PLEKHG1: variants seen among roughly 807,000 people sequenced by gnomAD.
The protein encoded by PLEKHG1 is pleckstrin homology domain-containing family G member 1.
A neutral mutation model predicts 100.8 loss-of-function variants in PLEKHG1; 44 were observed. That is an observed-to-expected ratio of 0.44 (90% CI 0.34 to 0.56). The LOEUF (loss-of-function observed/expected upper bound fraction) is 0.56. Ranked by LOEUF, PLEKHG1 falls within the 20% of genes least tolerant of loss-of-function variation. PLEKHG1 has a pLI of 0.01. For synonymous variants in PLEKHG1, 640 were observed against 662.5 expected (o/e 0.97, Z 0.52); for missense variants, 1,545 against 1,720.9 (o/e 0.90, Z 1.81).
chr6:150,701,420 TATATATATATA>T (rs1562446403), intron 3 of PLEKHG1, among the ~76,000 whole-genome samples: 15 of 16,692 alleles, frequency 9.0e-4, no homozygotes, highest in Non-Finnish European at 1.6e-3. Flanking sequence ...TAATTCTTTA[TATATATATATA>T]TATATATATA....
chr6:150,644,332 G>GGGTTTTTTTTTTTTTTTTTTTTTT (rs1562404967), intron 2 of PLEKHG1, among the ~76,000 whole-genome samples: 9 of 96,558 alleles, frequency 9.3e-5, no homozygotes, highest in South Asian at 3.4e-4. Context: ...TTTTCTTTTC[G>GGGTTTTTTTTTTTTTTTTTTTTTT]TGTTTTTTTT....
intron 3 of PLEKHG1, among the ~76,000 whole-genome samples, chr6:150,771,824 T>C (rs976664055): frequency 7.2e-5 from 11 of 152,274 alleles, no homozygotes; most frequent in Middle Eastern, 3.4e-3. Context: ...GAAATGGTAT[T>C]ATGCTGGCCT....
chr6:150,674,628 C>CTCTCTCTCTCT lies in PLEKHG1; in HGVS notation c.-99+23842_-99+23843insTCTCTCTCTCT, dbSNP rs1554258825. On this transcript the variant is annotated intron_variant, in intron 3 of 3. Coordinates refer to the PLEKHG1 transcript ENST00000367326. The stretch of plus-strand genomic sequence containing the variant: ...ATTACACCTGTAACTTTCTCTCTCT[C>CTCTCTCTCTCT]CTCCCTCTCTCTCTCTCTCTCTCTC... 6.4e-4 allele frequency among the ~76,000 whole-genome samples: 33 copies of CTCTCTCTCTCT among 51,872 alleles called. 1 individual carries two copies. The highest frequency in any genetic ancestry group is 1.3e-3 in the Admixed American group (6 of 4,718). The allele number at this position is 51,872 out of a possible 152,430, so 34.0% of individuals were successfully genotyped here.
At chr6:150,605,085 C>T (rs992856372) in intron 1 of PLEKHG1, among the ~76,000 whole-genome samples, 14 of 152,112 alleles carry the variant, frequency 9.2e-5, no homozygotes, top group South Asian at 8.3e-4. Context: ...ACAGAGATGC[C>T]GTCACCTCCA....
chr6:150,620,580 C>T (rs1048739908), intron 1 of PLEKHG1, among the ~76,000 whole-genome samples: 1 of 152,210 alleles, frequency 6.6e-6, no homozygotes, highest in Non-Finnish European at 1.5e-5. Flanking sequence ...ATTGTGTGTT[C>T]TGTTTTGCTT....
rs748220134 is a variant in PLEKHG1 at position 150,830,933 on chromosome 6, C to T, written c.1822C>T (p.Arg608Trp). ...CAGCTCTGGTCACAGGATTGTCAGG[C>T]GGGCCAGCAGTGCTGGGGAGAGCAA... The change falls in exon 15 of 16, where the codon CGG becomes TGG. Residue 608 changes from arginine to tryptophan, a missense_variant. Transcript: ENST00000358517. 54 of 1,613,912 alleles carry T rather than the reference C, an allele frequency of 3.3e-5. No homozygotes were observed. In the South Asian group the frequency reaches 3.4e-4, roughly 10 times the overall value.
chr6:150,815,007 C>T (rs941976640), intron 10 of PLEKHG1, among the ~76,000 whole-genome samples: 18 of 152,192 alleles, frequency 1.2e-4, no homozygotes, highest in African/African-American at 1.4e-4. Context: ...CAGGCACAAG[C>T]CACCACACCC....
chr6:150,808,518 G>A (rs1787281538), intron 7 of PLEKHG1, among the ~76,000 whole-genome samples: 2 of 152,174 alleles, frequency 1.3e-5, no homozygotes, highest in South Asian at 4.1e-4. Context: ...CAGAGGTATA[G>A]GTGGGCAGAT....
At chr6:150,652,709 A>G (rs961657922) in intron 3 of PLEKHG1, among the ~76,000 whole-genome samples, 21 of 151,620 alleles carry the variant, frequency 1.4e-4, no homozygotes, top group Non-Finnish European at 3.1e-4. Context: ...AACAAGAGCA[A>G]AACTGTGTCT....
At position 150,600,368 on chromosome 6, in the gene PLEKHG1, C is replaced by G. The variant is rs1776291866; in HGVS notation, c.-204+351C>G. ...CTCCCGCCCCTCGCCCCAGCGGCTG[C>G]AACATCAGCGCGCAGAGGAGTTTCT... On this transcript the variant is annotated intron_variant, in intron 1 of 3. Coordinates refer to the PLEKHG1 transcript ENST00000367326. The surrounding 1 kb of genome is among the most constrained non-coding windows in gnomAD (Gnocchi z 6.2). 6.6e-6 allele frequency among the ~76,000 whole-genome samples: 1 copy of G among 152,106 alleles called. No homozygotes were observed. The highest frequency in any genetic ancestry group is 1.9e-4 in the East Asian group (1 of 5,160).
At chr6:150,776,892 A>G (rs1785000405) in intron 3 of PLEKHG1, among the ~76,000 whole-genome samples, 1 of 150,502 alleles carries the variant, frequency 6.6e-6, no homozygotes, top group Non-Finnish European at 1.5e-5. Context: ...GTTGCACATT[A>G]CTCACACTGA....
intron 14 of PLEKHG1, among the ~76,000 whole-genome samples, chr6:150,824,596 A>G (rs1369986773): frequency 6.6e-6 from 1 of 150,444 alleles, no homozygotes; most frequent in Admixed American, 6.6e-5. Context: ...ATCTCAGTTC[A>G]CTGCAACCTC....
intron 1 of PLEKHG1, among the ~76,000 whole-genome samples, chr6:150,628,335 A>G (rs147309169): frequency 2.6e-4 from 40 of 152,126 alleles, no homozygotes; most frequent in Admixed American, 6.5e-4. Context: ...ATATGTGTAT[A>G]TTTTTCTTGG....
intron 3 of PLEKHG1, among the ~76,000 whole-genome samples, chr6:150,702,605 T>G (rs9986516): frequency 0.19 from 28,805 of 150,622 alleles, 4,817 homozygotes; most frequent in African/African-American, 0.46. Flanking sequence ...TATATATATG[T>G]CATCCAGTAC....
chr6:150,678,269 T>C (rs1391461253), intron 3 of PLEKHG1, among the ~76,000 whole-genome samples: 5 of 151,798 alleles, frequency 3.3e-5, no homozygotes, highest in Non-Finnish European at 7.4e-5. Flanking sequence ...TTCAGACCAC[T>C]TGAACAACAT....
At chr6:150,612,611 GT>G (rs1042323348) in intron 1 of PLEKHG1, among the ~76,000 whole-genome samples, 3 of 152,270 alleles carry the variant, frequency 2.0e-5, no homozygotes, top group African/African-American at 7.2e-5. Flanking sequence ...GGGATTACAG[GT>G]TTGAGCCACC....
intron 3 of PLEKHG1, among the ~76,000 whole-genome samples, chr6:150,770,772 C>T (rs1162273475): frequency 2.0e-5 from 3 of 152,218 alleles, no homozygotes; most frequent in Non-Finnish European, 2.9e-5. Context: ...AGCCCCTGCA[C>T]AGTTTCTCCT....
At chr6:150,684,129 G>C (rs967086534) in intron 3 of PLEKHG1, among the ~76,000 whole-genome samples, 10 of 152,238 alleles carry the variant, frequency 6.6e-5, no homozygotes, top group African/African-American at 2.4e-4. Flanking sequence ...TAGTAAATTG[G>C]CATCTTCATA....
chr6:150,718,342 C>A (rs1781519213), upstream of PLEKHG1, among the ~76,000 whole-genome samples: 1 of 152,114 alleles, frequency 6.6e-6, no homozygotes, highest in Non-Finnish European at 1.5e-5. Context: ...AACGCAGAAC[C>A]ACTGCAGAGC....
Sources: allele counts gnomAD v4.1 joint callset (sites outside exome capture counted in the v4.1 genomes callset), GRCh38; gene constraint gnomAD v4.1.1; non-coding constraint Gnocchi (gnomAD v3.1); transcripts MANE v1.5; gene names NCBI Gene and HGNC (gene_info 2026-07-23, HGNC 2026-07-21).